The following LDLRAD4 variants were observed in gnomAD, a reference collection of about 807,000 sequenced individuals.
LDLRAD4 encodes the protein low-density lipoprotein receptor class A domain-containing protein 4.
LDLRAD4 carries 5 observed loss-of-function variants against 17.0 expected under a neutral mutation model. That is an observed-to-expected ratio of 0.29 (90% CI 0.15 to 0.62). The LOEUF is 0.62. Among genes scored for constraint, LDLRAD4 ranks in the 20% least tolerant of loss-of-function variants. LDLRAD4 has a pLI of 0.84. For synonymous variants in LDLRAD4, 168 were observed against 171.8 expected (o/e 0.98, Z 0.17); for missense variants, 340 against 424.7 (o/e 0.80, Z 1.75).
intron 1 of LDLRAD4, among the ~76,000 whole-genome samples, chr18:13,288,829 A>G (rs9950183): frequency 0.16 from 5,939 of 36,034 alleles, 1,215 homozygotes; most frequent in East Asian, 0.86. Context: ...TAGCAGCCCC[A>G]CAGACCATGG....
chr18:13,219,805 G>A lies in LDLRAD4; in HGVS notation c.-467+817G>A, dbSNP rs150691424. Among the ~76,000 whole-genome samples, 4 of 152,354 alleles carry A rather than the reference G, an allele frequency of 2.6e-5. No homozygotes were observed. In the East Asian group the frequency reaches 7.7e-4, roughly 29 times the overall value. On this transcript the variant is annotated intron_variant, in intron 1 of 5. Transcript: ENST00000399848. ...ATCTTCCCTGGAGCTTCAGGACTGA[G>A]TATTGAATGACAGAGAAGGTTCTGC...
intron 1 of LDLRAD4, among the ~76,000 whole-genome samples, chr18:13,375,561 A>G (rs2084844803): frequency 1.3e-5 from 2 of 152,008 alleles, no homozygotes; most frequent in South Asian, 4.2e-4. Context: ...TGAGATGGGG[A>G]GGCTTGGGTT....
At chr18:13,373,325 C>T (rs1184181613) in intron 1 of LDLRAD4, among the ~76,000 whole-genome samples, 1 of 152,082 alleles carries the variant, frequency 6.6e-6, no homozygotes, top group East Asian at 1.9e-4. Context: ...TTGTGTATGA[C>T]ATTATACACA....
At chr18:13,352,675 C>A (rs185831101) in intron 1 of LDLRAD4, among the ~76,000 whole-genome samples, 8 of 151,614 alleles carry the variant, frequency 5.3e-5, no homozygotes, top group African/African-American at 1.9e-4. Context: ...TAATATCTTC[C>A]TCTTTCTCTC....
chr18:13,273,447 C>G (rs1207829127), upstream of LDLRAD4, among the ~76,000 whole-genome samples: 1 of 152,150 alleles, frequency 6.6e-6, no homozygotes, highest in Non-Finnish European at 1.5e-5. Flanking sequence ...ACTATAGGTG[C>G]GCACCACCAC....
intron 4 of LDLRAD4, among the ~76,000 whole-genome samples, chr18:13,635,245 A>C (rs1056192307): frequency 6.6e-6 from 1 of 152,144 alleles, no homozygotes; most frequent in Non-Finnish European, 1.5e-5. Context: ...GGTTCGGATG[A>C]GGCCACTCTT....
At chr18:13,433,627 G>T (rs903574249) in intron 2 of LDLRAD4, among the ~76,000 whole-genome samples, 1 of 152,112 alleles carries the variant, frequency 6.6e-6, no homozygotes, top group Non-Finnish European at 1.5e-5. Flanking sequence ...ATTTATCATT[G>T]CATCCTGACC....
chr18:13,467,715 A>G (rs1314505109), intron 3 of LDLRAD4, among the ~76,000 whole-genome samples: 7 of 152,208 alleles, frequency 4.6e-5, no homozygotes, highest in Non-Finnish European at 8.8e-5. Context: ...AAGTCAGAGG[A>G]CTCACACTTC....
intron 3 of LDLRAD4, among the ~76,000 whole-genome samples, chr18:13,539,200 C>T (rs1044436156): frequency 1.3e-5 from 2 of 152,112 alleles, no homozygotes; most frequent in African/African-American, 2.4e-5. Flanking sequence ...TGCTTTATTT[C>T]GAGACCTCTG....
At chr18:13,565,543 A>T (rs898121004) in intron 3 of LDLRAD4, among the ~76,000 whole-genome samples, 1 of 152,244 alleles carries the variant, frequency 6.6e-6, no homozygotes, top group African/African-American at 2.4e-5. Flanking sequence ...CCGCCCTCAC[A>T]GCTGGACCGT....
chr18:13,622,081 C>T lies in LDLRAD4; in HGVS notation c.336+810C>T, dbSNP rs981703937. Among the ~76,000 whole-genome samples the T allele has an allele frequency of 1.3e-5, 2 of 152,146 alleles. No individual in the cohort carries two copies. The highest frequency in any genetic ancestry group is 4.8e-5 in the African/African-American group (2 of 41,416). ...CGAGTCTCCACAGTGTGGAGCCCTG[C>T]GGTATGCTGAGCACAGGAGCCGGTC... On this transcript the variant is annotated intron_variant, in intron 4 of 5. Transcript: ENST00000359446. This position sits in a 1 kb window ranked among gnomAD's most constrained non-coding sequence, Gnocchi z 5.3.
At chr18:13,441,200 C>G (rs532682773) in intron 3 of LDLRAD4, among the ~76,000 whole-genome samples, 1 of 152,056 alleles carries the variant, frequency 6.6e-6, no homozygotes, top group Non-Finnish European at 1.5e-5. Flanking sequence ...TGTTGGGCAG[C>G]GAACAGGGAT....
chr18:13,340,240 A>T (rs1280944355), intron 1 of LDLRAD4, among the ~76,000 whole-genome samples: 1 of 152,164 alleles, frequency 6.6e-6, no homozygotes, highest in Non-Finnish European at 1.5e-5. Flanking sequence ...TGATGTACCC[A>T]TGTGAGTTCG....
chr18:13,376,742 C>T (rs1432418501), intron 1 of LDLRAD4, among the ~76,000 whole-genome samples: 3 of 152,210 alleles, frequency 2.0e-5, no homozygotes, highest in Non-Finnish European at 2.9e-5. Context: ...GTATCTTTAC[C>T]GCTGCCTGGG....
intron 3 of LDLRAD4, among the ~76,000 whole-genome samples, chr18:13,527,051 C>T (rs535795914): frequency 1.3e-5 from 2 of 152,368 alleles, no homozygotes; most frequent in South Asian, 2.1e-4. Flanking sequence ...TCATTTGCAG[C>T]TGCCCTTGGC....
At chr18:13,558,737 G>C (rs2094509412) in intron 3 of LDLRAD4, among the ~76,000 whole-genome samples, 1 of 152,078 alleles carries the variant, frequency 6.6e-6, no homozygotes, top group African/African-American at 2.4e-5. Flanking sequence ...GTGTAACTAA[G>C]AAAAATTTTA....
At chr18:13,282,048 A>G (rs1338444844) in intron 1 of LDLRAD4, among the ~76,000 whole-genome samples, 3 of 152,298 alleles carry the variant, frequency 2.0e-5, no homozygotes, top group African/African-American at 7.2e-5. Context: ...GCAAAAGCGG[A>G]AACCCTTGAT....
chr18:13,404,712 G>T (rs1158015029), intron 2 of LDLRAD4, among the ~76,000 whole-genome samples: 2 of 151,862 alleles, frequency 1.3e-5, no homozygotes, highest in Admixed American at 6.6e-5. Flanking sequence ...GCAGGAGAAT[G>T]GCGTGAACCC....
At chr18:13,236,175 G>A (rs2042321343) in intron 1 of LDLRAD4, among the ~76,000 whole-genome samples, 1 of 152,140 alleles carries the variant, frequency 6.6e-6, no homozygotes, top group Non-Finnish European at 1.5e-5. Flanking sequence ...GGCACCCGTC[G>A]CTCCCGAGCT....
Sources: gnomAD v4.1 joint callset for allele counts (sites outside exome capture counted in the v4.1 genomes callset) on GRCh38, gnomAD v4.1.1 for gene constraint, Gnocchi (gnomAD v3.1) non-coding constraint, MANE v1.5 for transcripts, NCBI Gene and HGNC (gene_info 2026-07-23, HGNC 2026-07-21) for gene names.